TSHZ3: variants seen among roughly 807,000 people sequenced by gnomAD.
The protein encoded by TSHZ3 is teashirt zinc finger homeobox 3.
Under a neutral mutation model 64.5 loss-of-function variants are expected in TSHZ3, and 10 were observed. That is an observed-to-expected ratio of 0.16 (90% CI 0.10 to 0.26). The LOEUF (loss-of-function observed/expected upper bound fraction) is 0.26. Among genes scored for constraint, TSHZ3 ranks in the 10% least tolerant of loss-of-function variants. The pLI is 1.00. For missense variants in TSHZ3, 1,242 were observed against 1,421.7 expected (o/e 0.87, Z 2.03); for synonymous variants, 608 against 593.1 (o/e 1.03, Z -0.36).
chr19:31,163,661 G>A (rs944621949), intron 5 of TSHZ3, among the ~76,000 whole-genome samples: 3 of 152,164 alleles, frequency 2.0e-5, no homozygotes, highest in Non-Finnish European at 2.9e-5. Context: ...AACCTGGGAC[G>A]CAGAGGTTTC....
intron 1 of TSHZ3, among the ~76,000 whole-genome samples, chr19:31,281,525 A>G (rs1976360934): frequency 1.3e-5 from 2 of 152,146 alleles, no homozygotes; most frequent in African/African-American, 4.8e-5. Context: ...TTTACAAATG[A>G]CCAGAAGAGA....
At chr19:31,231,223 G>A (rs766264239) in intron 3 of TSHZ3, among the ~76,000 whole-genome samples, 1 of 152,020 alleles carries the variant, frequency 6.6e-6, no homozygotes, top group Non-Finnish European at 1.5e-5. Flanking sequence ...TTATTGCCTG[G>A]GATTCATAGA....
intron 5 of TSHZ3, among the ~76,000 whole-genome samples, chr19:31,197,444 G>GA (rs1051573920): frequency 8.4e-5 from 12 of 143,114 alleles, no homozygotes; most frequent in Admixed American, 2.8e-4. Context: ...ATAAGGAGAA[G>GA]AAAAAAATGA....
At chr19:31,185,682 A>G (rs1974795841) in intron 5 of TSHZ3, among the ~76,000 whole-genome samples, 1 of 152,188 alleles carries the variant, frequency 6.6e-6, no homozygotes, top group African/African-American at 2.4e-5. Context: ...ATCAAGGTAT[A>G]ATTTGCATAT....
chr19:31,163,605 C>G (rs1485771442), intron 5 of TSHZ3, among the ~76,000 whole-genome samples: 1 of 152,124 alleles, frequency 6.6e-6, no homozygotes, highest in African/African-American at 2.4e-5. Flanking sequence ...GTCGCGCTTG[C>G]CTGTAATCCA....
intron 1 of TSHZ3, among the ~76,000 whole-genome samples, chr19:31,255,796 T>C (rs1484179075): frequency 6.6e-6 from 1 of 152,168 alleles, no homozygotes; most frequent in Non-Finnish European, 1.5e-5. Context: ...GGGCATCTCA[T>C]GGCCTCTACA....
At chr19:31,280,639 G>A (rs941023990) in intron 1 of TSHZ3, among the ~76,000 whole-genome samples, 6 of 152,174 alleles carry the variant, frequency 3.9e-5, no homozygotes, top group Non-Finnish European at 7.3e-5. Context: ...CAAAGTGTTT[G>A]CTCTTTAGAC....
intron 6 of TSHZ3, among the ~76,000 whole-genome samples, chr19:31,154,026 A>G (rs1458956713): frequency 6.6e-6 from 1 of 152,180 alleles, no homozygotes; most frequent in African/African-American, 2.4e-5. Context: ...GAGGAAAGTG[A>G]TGGTATCCCA....
At chr19:31,213,666 A>G (rs1975290449) in intron 4 of TSHZ3, among the ~76,000 whole-genome samples, 1 of 152,194 alleles carries the variant, frequency 6.6e-6, no homozygotes, top group African/African-American at 2.4e-5. Context: ...TGTGTAAGCA[A>G]CAGGAGGTAT....
chr19:31,346,818 T>C (rs1299956300), intron 1 of TSHZ3, among the ~76,000 whole-genome samples: 2 of 150,814 alleles, frequency 1.3e-5, no homozygotes, highest in East Asian at 3.9e-4. Context: ...CCTCTGTGCA[T>C]ACTTATCACC....
intron 1 of TSHZ3, among the ~76,000 whole-genome samples, chr19:31,258,502 T>C (rs1599608738): frequency 6.6e-6 from 1 of 152,182 alleles, no homozygotes; most frequent in Non-Finnish European, 1.5e-5. Context: ...GGCTCTGTTT[T>C]GGTTTTCTCC....
intron 1 of TSHZ3, among the ~76,000 whole-genome samples, chr19:31,330,921 C>T (rs1599653191): frequency 6.6e-6 from 1 of 152,124 alleles, no homozygotes; most frequent in Non-Finnish European, 1.5e-5. Context: ...TTGTCCCCCA[C>T]AGGCACGGGC....
intron 1 of TSHZ3, among the ~76,000 whole-genome samples, chr19:31,256,106 C>T (rs577499768): frequency 1.1e-4 from 16 of 152,186 alleles, no homozygotes; most frequent in East Asian, 3.9e-4. Context: ...TCACCCTCCC[C>T]GAGGCTCACT....
chr19:31,288,752 G>A (rs1283469471), intron 1 of TSHZ3, among the ~76,000 whole-genome samples: 1 of 152,110 alleles, frequency 6.6e-6, no homozygotes, highest in South Asian at 2.1e-4. Context: ...TGTTGCCCAT[G>A]CTGCTCTGGA....
intron 1 of TSHZ3, among the ~76,000 whole-genome samples, chr19:31,315,337 A>G (rs1916571551): frequency 6.6e-6 from 1 of 152,188 alleles, no homozygotes; most frequent in Non-Finnish European, 1.5e-5. Flanking sequence ...GCCCTGTCCC[A>G]AAGCGTCCCC....
intron 5 of TSHZ3, among the ~76,000 whole-genome samples, chr19:31,156,915 C>T (rs1191722736): frequency 1.3e-5 from 2 of 152,120 alleles, no homozygotes; most frequent in East Asian, 1.9e-4. Context: ...GGGGATGGGG[C>T]TGGCAGGCCA....
intron 5 of TSHZ3, among the ~76,000 whole-genome samples, chr19:31,192,451 A>T (rs1385372471): frequency 6.6e-6 from 1 of 152,176 alleles, no homozygotes; most frequent in African/African-American, 2.4e-5. Flanking sequence ...TAAGTCTAAT[A>T]CCCTATACTC....
At chr19:31,282,454 C>A (rs1196602220) in intron 1 of TSHZ3, among the ~76,000 whole-genome samples, 1 of 152,136 alleles carries the variant, frequency 6.6e-6, no homozygotes, top group Non-Finnish European at 1.5e-5. Context: ...ATGAAAGAGT[C>A]CTCTGTGGGT....
chr19:31,289,752 C>T (rs1199343779), intron 1 of TSHZ3, among the ~76,000 whole-genome samples: 3 of 152,114 alleles, frequency 2.0e-5, no homozygotes, highest in Non-Finnish European at 4.4e-5. Flanking sequence ...GCCCCTAGCC[C>T]CCAAGCTGGG....
Sources: gnomAD v4.1 joint callset for allele counts (sites outside exome capture counted in the v4.1 genomes callset) on GRCh38, gnomAD v4.1.1 for gene constraint, MANE v1.5 for transcripts, NCBI Gene and HGNC (gene_info 2026-07-23, HGNC 2026-07-21) for gene names.